DOK6: variants seen among roughly 807,000 people sequenced by gnomAD.
The protein encoded by DOK6 is docking protein 6.
In DOK6, 22 loss-of-function variants were observed where a neutral mutation model predicts 44.0. The ratio of observed to expected loss-of-function variants is 0.50; its 90% CI spans 0.36 to 0.71. The LOEUF (loss-of-function observed/expected upper bound fraction) is 0.71. Among genes scored for constraint, DOK6 ranks in the 30% least tolerant of loss-of-function variants. DOK6 has a pLI of 0.00. For synonymous variants in DOK6, 166 were observed against 145.5 expected (o/e 1.14, Z -1.01); for missense variants, 340 against 416.4 (o/e 0.82, Z 1.60).
chr18:69,428,135 T>G (rs1978696113), intron 1 of DOK6, among the ~76,000 whole-genome samples: 1 of 152,112 alleles, frequency 6.6e-6, no homozygotes, highest in Admixed American at 6.5e-5. Context: ...TGATCTTTAC[T>G]TTGTCTTCAT....
chr18:69,572,018 G>A (rs148385432), intron 2 of DOK6, among the ~76,000 whole-genome samples: 1 of 152,024 alleles, frequency 6.6e-6, no homozygotes, highest in Non-Finnish European at 1.5e-5. Context: ...AAAATATTGT[G>A]TTCTTTGACC....
At chr18:69,576,459 G>T (rs1983240865) in intron 2 of DOK6, among the ~76,000 whole-genome samples, 1 of 151,856 alleles carries the variant, frequency 6.6e-6, no homozygotes, top group African/African-American at 2.4e-5. Context: ...CTAAATGAGA[G>T]ATTTCTGAAA....
intron 7 of DOK6, among the ~76,000 whole-genome samples, chr18:69,802,298 G>A (rs1213364806): frequency 1.3e-5 from 2 of 152,080 alleles, no homozygotes; most frequent in Admixed American, 6.6e-5. Flanking sequence ...TCAACTTCAT[G>A]ATGGCAAGAA....
chr18:69,728,107 C>T (rs1291054544), intron 5 of DOK6, among the ~76,000 whole-genome samples: 4 of 152,212 alleles, frequency 2.6e-5, no homozygotes, highest in African/African-American at 9.7e-5. Flanking sequence ...GACCAGTTTC[C>T]TCGATCCTAG....
intron 6 of DOK6, among the ~76,000 whole-genome samples, chr18:69,750,588 C>T (rs577635234): frequency 3.3e-4 from 50 of 152,156 alleles, no homozygotes; most frequent in African/African-American, 5.8e-4. Context: ...GTGCTGGTGA[C>T]GACATGGAGA....
At position 69,636,063 on chromosome 18, in the gene DOK6, A is replaced by G. The variant is rs73973511; in HGVS notation, c.289+36565A>G. On this transcript the variant is annotated intron_variant, in intron 3 of 7. Coordinates refer to ENST00000382713, the MANE Select transcript of DOK6 (RefSeq NM_152721.6). ...GAGTAGAGGTCTCCAGCAAGCCCCAATAGGAATTCTGTAATGCAGACACCT... is the reference window on the plus strand; with the variant it reads ...GAGTAGAGGTCTCCAGCAAGCCCCAGTAGGAATTCTGTAATGCAGACACCT... Among the ~76,000 whole-genome samples the G allele has an allele frequency of 2.1e-3, 317 of 152,242 alleles. 1 individual carries two copies. Among genetic ancestry groups the G allele is most frequent in the African/African-American group, 6.9e-3 (288 of 41,534 alleles).
chr18:69,548,649 A>G (rs181699880), intron 1 of DOK6, among the ~76,000 whole-genome samples: 87 of 151,694 alleles, frequency 5.7e-4, no homozygotes, highest in Non-Finnish European at 1.0e-3. Flanking sequence ...AAACCGAGTC[A>G]TTGAATACAA....
intron 1 of DOK6, among the ~76,000 whole-genome samples, chr18:69,448,505 G>C (rs995324473): frequency 2.0e-5 from 3 of 152,064 alleles, no homozygotes; most frequent in African/African-American, 7.2e-5. Flanking sequence ...CTAAGTAGCT[G>C]AGATTACAGG....
intron 2 of DOK6, among the ~76,000 whole-genome samples, chr18:69,569,751 G>T (rs972929129): frequency 4.6e-5 from 7 of 151,848 alleles, no homozygotes; most frequent in African/African-American, 1.7e-4. Flanking sequence ...CTACCATAAA[G>T]GCACATGCAC....
intron 1 of DOK6, among the ~76,000 whole-genome samples, chr18:69,503,741 C>G (rs1364932427): frequency 6.6e-6 from 1 of 151,704 alleles, no homozygotes; most frequent in Admixed American, 6.6e-5. Flanking sequence ...AATTTTAATT[C>G]CAGTTACAAA....
intron 3 of DOK6, chr18:69,659,798 GT>G (rs11399094): frequency 4.0e-5 from 4 of 100,510 alleles, no homozygotes; most frequent in Non-Finnish European, 6.4e-5. Flanking sequence ...AATCCTGGTG[GT>G]TTTTTTTTCT....
At position 69,843,572 on chromosome 18, in the gene DOK6, C is replaced by A. The variant is rs1053490161; in HGVS notation, c.*2189C>A. ...ATTCATGTGCTGGAAGCACAAACAG[C>A]GAGTCCAGGGAGGGATTCTGCTAAT... is the stretch of plus-strand genomic sequence containing the variant. On this transcript the variant is annotated 3_prime_UTR_variant, in exon 8 of 8. Transcript: ENST00000382713. The A allele has an allele frequency of 6.6e-6, 1 of 152,194 alleles. No individual in the cohort carries two copies. Among genetic ancestry groups the A allele is most frequent in the African/African-American group, 2.4e-5 (1 of 41,458 alleles). The allele number at this position is 152,194 out of a possible 1,614,324, so 9.4% of individuals were successfully genotyped here.
At chr18:69,451,137 C>T (rs1979453252) in intron 1 of DOK6, among the ~76,000 whole-genome samples, 1 of 149,172 alleles carries the variant, frequency 6.7e-6, no homozygotes, top group African/African-American at 2.5e-5. Context: ...AGAGTCAAGA[C>T]CCATCAGTGT....
intron 3 of DOK6, among the ~76,000 whole-genome samples, chr18:69,636,763 C>T (rs1422211456): frequency 1.3e-5 from 2 of 152,114 alleles, no homozygotes; most frequent in Non-Finnish European, 2.9e-5. Context: ...ATCAGGGCTA[C>T]CAGAAATACA....
chr18:69,562,361 C>A lies in DOK6; in HGVS notation c.67-2126C>A, dbSNP rs575663703. ...TAGTTGTAGATATGTGGCATTATTT[C>A]TGAGGGCTCTGTTCTGTTCCATTGG... On this transcript the variant is annotated intron_variant, in intron 1 of 7. Transcript: ENST00000382713. Among the ~76,000 whole-genome samples, 35 of 152,068 alleles carry A rather than the reference C, an allele frequency of 2.3e-4. 1 individual carries two copies. Among genetic ancestry groups the A allele is most frequent in the African/African-American group, 7.2e-4 (30 of 41,470 alleles).
chr18:69,762,379 C>G (rs1979588587), intron 7 of DOK6, among the ~76,000 whole-genome samples: 1 of 152,104 alleles, frequency 6.6e-6, no homozygotes, highest in Admixed American at 6.6e-5. Context: ...TTTTGAATCT[C>G]GCTTTTTCAG....
chr18:69,430,355 T>A (rs1978769188), intron 1 of DOK6, among the ~76,000 whole-genome samples: 3 of 152,232 alleles, frequency 2.0e-5, no homozygotes, highest in Admixed American at 2.0e-4. Flanking sequence ...ACAGGTTATT[T>A]CTTTTTACTT....
In DOK6 at chr18:69,650,471, T is replaced by C. The variant is rs73973516; in HGVS notation, c.290-27263T>C. Among the ~76,000 whole-genome samples, 1,136 of 152,294 alleles carry C rather than the reference T, an allele frequency of 7.5e-3. 8 individuals are homozygous for C. Among genetic ancestry groups the C allele is most frequent in the African/African-American group, 0.025 (1,057 of 41,560 alleles). ...CCGGGGTCCTAAAAAGGAAGGAATATGCAGGAAATGCCTAGATATTGCTTG... is the reference window on the plus strand; with the variant it reads ...CCGGGGTCCTAAAAAGGAAGGAATACGCAGGAAATGCCTAGATATTGCTTG... On this transcript the variant is annotated intron_variant, in intron 3 of 7. Transcript: ENST00000382713.
chr18:69,547,138 G>C (rs542941145), intron 1 of DOK6, among the ~76,000 whole-genome samples: 1 of 151,720 alleles, frequency 6.6e-6, no homozygotes, highest in African/African-American at 2.4e-5. Context: ...GTCTCACTCT[G>C]TTGCCAGGCT....
Sources: gnomAD v4.1 joint callset for allele counts (sites outside exome capture counted in the v4.1 genomes callset) on GRCh38, gnomAD v4.1.1 for gene constraint, MANE v1.5 for transcripts, NCBI Gene and HGNC (gene_info 2026-07-23, HGNC 2026-07-21) for gene names.